Variants in IFNGR1 observed in about 807,000 individuals in gnomAD.
The protein encoded by IFNGR1 is interferon gamma receptor 1, also known as AVP, type 2.
In IFNGR1, 23 loss-of-function variants were observed where a neutral mutation model predicts 35.4. The ratio of observed to expected loss-of-function variants is 0.65; its 90% CI spans 0.47 to 0.92. IFNGR1 has a LOEUF of 0.92. Ranked by LOEUF, IFNGR1 falls within the 40% of genes least tolerant of loss-of-function variation. The pLI is 0.00. For missense variants in IFNGR1, 533 were observed against 583.4 expected (o/e 0.91, Z 0.89); for synonymous variants, 199 against 209.5 (o/e 0.95, Z 0.43).
chr6:137,212,806 C>T (rs942282400), intron 1 of IFNGR1, among the ~76,000 whole-genome samples: 3 of 152,126 alleles, frequency 2.0e-5, no homozygotes, highest in African/African-American at 7.2e-5. Context: ...AAGTAAAAGC[C>T]TGATATGGTT....
chr6:137,206,918 A>T lies in IFNGR1; in HGVS notation c.200+45T>A, dbSNP rs780704447. 17 of 1,481,180 alleles carry T rather than the reference A, an allele frequency of 1.1e-5. 1 individual carries two copies. The South Asian group carries it at 1.9e-4, about 17-fold the overall frequency. 91.8% of individuals were successfully genotyped at this position (1,481,180 alleles called of 1,614,324 possible). On this transcript the variant is annotated intron_variant, in intron 2 of 6. Coordinates refer to ENST00000367739, the MANE Select transcript of IFNGR1 (RefSeq NM_000416.3). ...ACAGTTGTGGAATTTCCAAGGACCT[A>T]AACAAAAATGGAATAAAAAGGATAA...
intron 1 of IFNGR1, among the ~76,000 whole-genome samples, chr6:137,212,024 C>A (rs911026739): frequency 2.6e-5 from 4 of 152,116 alleles, no homozygotes; most frequent in African/African-American, 4.8e-5. Flanking sequence ...TTTAACAGTT[C>A]TTCCCATGAT....
At chr6:137,212,148 C>T (rs2114505802) in intron 1 of IFNGR1, among the ~76,000 whole-genome samples, 1 of 152,294 alleles carries the variant, frequency 6.6e-6, no homozygotes, top group South Asian at 2.1e-4. Context: ...ACATTCTCTA[C>T]TTTTGGTGTC....
chr6:137,204,888 C>A (rs1779394413), intron 3 of IFNGR1, among the ~76,000 whole-genome samples: 1 of 152,160 alleles, frequency 6.6e-6, no homozygotes, highest in South Asian at 2.1e-4. Context: ...AAAAACGTTT[C>A]AGAAATGGCA....
chr6:137,202,771 G>T (rs1055338860), intron 5 of IFNGR1, among the ~76,000 whole-genome samples: 6 of 151,940 alleles, frequency 3.9e-5, no homozygotes, highest in Non-Finnish European at 8.8e-5. Context: ...GAATAATGGG[G>T]TATTTTTGCA....
At chr6:137,216,594 T>C (rs1398470624) in intron 1 of IFNGR1, among the ~76,000 whole-genome samples, 1 of 152,114 alleles carries the variant, frequency 6.6e-6, no homozygotes, top group African/African-American at 2.4e-5. Context: ...ACTTCAACTA[T>C]AGAGTCAAGC....
Position 137,197,799 on chromosome 6 carries a change from A to C in IFNGR1, c.*232T>G, listed in dbSNP as rs1779121807. 2.1e-6 allele frequency: 1 copy of C among 477,170 alleles called. No homozygotes were observed. The highest frequency in any genetic ancestry group is 2.1e-5 in the South Asian group (1 of 46,926). 29.6% of individuals were successfully genotyped at this position (477,170 alleles called of 1,614,324 possible). A position where few individuals can be genotyped will look rare whatever the true frequency, so the allele number is the denominator to read the frequency against. On this transcript the variant is annotated 3_prime_UTR_variant, in exon 7 of 7. Coordinates refer to ENST00000367739, the MANE Select transcript of IFNGR1 (RefSeq NM_000416.3). ...TTACTGGTAACCTATCTGGATGTAA[A>C]GGTTCATAAGTTACAATGCTTTTTT...
At chr6:137,199,549 A>ATAATATATTATATATT (rs1582629980) in intron 6 of IFNGR1, among the ~76,000 whole-genome samples, 1 of 12,678 alleles carries the variant, frequency 7.9e-5, no homozygotes, top group African/African-American at 2.7e-4. Context: ...TATATTATAT[A>ATAATATATTATATATT]ACATATAAAA....
rs1323196065 is a variant in IFNGR1 at position 137,219,031 on chromosome 6, G to A, written c.85+212C>T. On this transcript the variant is annotated intron_variant, in intron 1 of 6. Coordinates refer to ENST00000367739, the MANE Select transcript of IFNGR1 (RefSeq NM_000416.3). ...GTGATTTGTTGTGGCGGCAACCAGG[G>A]AAGAGGCAGGAGAAAGGCAACCGAC... 6.6e-6 allele frequency: 4 copies of A among 606,580 alleles called. No homozygotes were observed. In the East Asian group the frequency reaches 1.1e-4, roughly 17 times the overall value. The allele number at this position is 606,580 out of a possible 1,614,324, so 37.6% of individuals were successfully genotyped here. A position where few individuals can be genotyped will look rare whatever the true frequency, so the allele number is the denominator to read the frequency against.
rs55881171 is a variant in IFNGR1, at chr6:137,203,666, G to T, written c.566C>A (p.Thr189Lys). ...CTCGTCACAATCATCTTCCTTCTGC[G>T]TGAGTATTTTATACTGGATCTAGAT... Reference protein sequence around the residue: ...NGSEIQYKILTQKEDDCDEIQ... With the variant: ...NGSEIQYKILKQKEDDCDEIQ... Residue 189 changes from threonine to lysine, a missense_variant, in exon 5 of 7, where the codon ACG becomes AAG. Coordinates refer to ENST00000367739, the MANE Select transcript of IFNGR1 (RefSeq NM_000416.3). 181 of 1,612,168 alleles carry T rather than the reference G, an allele frequency of 1.1e-4. No homozygotes were observed. The Middle Eastern group carries it at 1.3e-3, about 12-fold the overall frequency.
Position 137,204,316 on chromosome 6 carries a change from A to G in IFNGR1, c.546+16T>C, listed in dbSNP as rs1487233886. On this transcript the variant is annotated intron_variant, in intron 4 of 6. Coordinates refer to ENST00000367739, the MANE Select transcript of IFNGR1 (RefSeq NM_000416.3). ...CTACACAAGAATTTCCATTATGAAAAATGTGAAACACATACCTCACTTCCG... is the reference window on the plus strand; with the variant it reads ...CTACACAAGAATTTCCATTATGAAAGATGTGAAACACATACCTCACTTCCG... 1.2e-6 allele frequency: 2 copies of G among 1,609,362 alleles called. No individual in the cohort carries two copies. The highest frequency in any genetic ancestry group is 1.7e-6 in the Non-Finnish European group (2 of 1,175,702).
chr6:137,204,278 CA>C (rs1420950097), intron 4 of IFNGR1, 53 bp downstream of exon 4: 2 of 1,452,828 alleles, frequency 1.4e-6, no homozygotes, highest in Non-Finnish European at 1.9e-6. Flanking sequence ...CAGAAAGGAA[CA>C]ACTTTTGCTA....
chr6:137,199,763 T>C (rs1315794284), intron 6 of IFNGR1, among the ~76,000 whole-genome samples: 1 of 150,232 alleles, frequency 6.7e-6, no homozygotes, highest in Non-Finnish European at 1.5e-5. Flanking sequence ...CCTTCATCAT[T>C]ATAATTTTTA....
At position 137,198,281 on chromosome 6, in the gene IFNGR1, T is replaced by G. The variant is rs146842669; in HGVS notation, c.1220A>C (p.His407Pro). The change falls in exon 7 of 7, where the codon CAC becomes CCC. Residue 407 changes from histidine to proline, a missense_variant. Physicochemically the swap from His to Pro is moderately conservative, Grantham distance 77 (BLOSUM62 -2). Transcript: ENST00000367739. Reference protein sequence around the residue: ...YHSRNCSESDHSRNGFDTDSS... With the variant: ...YHSRNCSESDPSRNGFDTDSS... The stretch of plus-strand genomic sequence containing the variant: ...ATCAGTATCAAAACCATTTCTGGAG[T>G]GATCACTCTCAGAACAATTTCTGGA... 58 of 1,613,938 alleles carry G rather than the reference T, an allele frequency of 3.6e-5. 1 individual carries two copies. In the African/African-American group the frequency reaches 6.7e-4, roughly 19 times the overall value.
intron 1 of IFNGR1, chr6:137,215,517 A>C: frequency 2.1e-6 from 1 of 479,050 alleles, no homozygotes; most frequent in African/African-American, 2.0e-5. Flanking sequence ...ATTACAAGTA[A>C]ATTCCTTTCT....
At chr6:137,211,719 GTCTTT>G (rs1241010684) in intron 1 of IFNGR1, among the ~76,000 whole-genome samples, 1 of 152,040 alleles carries the variant, frequency 6.6e-6, no homozygotes, top group Non-Finnish European at 1.5e-5. Flanking sequence ...CCTTAAGAGG[GTCTTT>G]TTTCTATCAC....
rs377744430 is a variant in IFNGR1, at chr6:137,199,558, AAT to A, written c.862-921_862-920del. Among the ~76,000 whole-genome samples the A allele has an allele frequency of 0.032, 953 of 29,478 alleles. 159 individuals carry two copies. In the South Asian group the frequency reaches 0.42, roughly 13 times the overall value. 19.3% of individuals were successfully genotyped at this position (29,478 alleles called of 152,430 possible). ...ATAATATATATTATATAACATATAA[AAT>A]ATATATAATATATAATATATAAAAT... On this transcript the variant is annotated intron_variant, in intron 6 of 6. Coordinates refer to ENST00000367739, the MANE Select transcript of IFNGR1 (RefSeq NM_000416.3).
At chr6:137,213,792 T>A (rs1042693780) in intron 1 of IFNGR1, among the ~76,000 whole-genome samples, 3 of 152,252 alleles carry the variant, frequency 2.0e-5, no homozygotes, top group Non-Finnish European at 4.4e-5. Flanking sequence ...TTCCTCTGCA[T>A]AGCTGGGTGA....
At chr6:137,216,653 T>C (rs1347240835) in intron 1 of IFNGR1, among the ~76,000 whole-genome samples, 3 of 152,206 alleles carry the variant, frequency 2.0e-5, no homozygotes, top group South Asian at 4.1e-4. Context: ...AGCCAGAGCA[T>C]TGTTGGTTTC....
Sources: gnomAD v4.1 joint callset for allele counts (sites outside exome capture counted in the v4.1 genomes callset) on GRCh38, gnomAD v4.1.1 for gene constraint, MANE v1.5 for transcripts, NCBI Gene and HGNC (gene_info 2026-07-23, HGNC 2026-07-21) for gene names.